Variants in ERCC4 observed in about 807,000 individuals in gnomAD.
The protein encoded by ERCC4 is ERCC excision repair 4, endonuclease catalytic subunit, also known as DNA repair endonuclease XPF.
A neutral mutation model predicts 76.9 loss-of-function variants in ERCC4; 65 were observed. The ratio of observed to expected loss-of-function variants is 0.84; its 90% CI spans 0.69 to 1.04. The LOEUF (loss-of-function observed/expected upper bound fraction) is 1.04. ERCC4 is among the 50% of genes least tolerant of loss of function. The probability of loss-of-function intolerance (pLI) is 0.00; values close to 1 mark genes in which losing one functional copy is unlikely to be tolerated. For synonymous variants in ERCC4, 463 were observed against 410.1 expected (o/e 1.13, Z -1.56); for missense variants, 1,214 against 1,128.2 (o/e 1.08, Z -1.09).
At chr16:13,940,217 C>T (rs1596631033) in intron 9 of ERCC4, among the ~76,000 whole-genome samples, 1 of 151,732 alleles carries the variant, frequency 6.6e-6, no homozygotes, top group Non-Finnish European at 1.5e-5. Flanking sequence ...TGAAACCCTG[C>T]CTCTACTAAA....
chr16:13,926,172 G>A (rs1397087942), intron 2 of ERCC4, among the ~76,000 whole-genome samples: 1 of 151,706 alleles, frequency 6.6e-6, no homozygotes, highest in Admixed American at 6.6e-5. Flanking sequence ...CCTCTGACAT[G>A]CCAGAAACAC....
rs749634352 is a variant in ERCC4 at position 13,937,856 on chromosome 16, A to G, written c.1902A>G (p.Ile634Met). Residue 634 changes from isoleucine (I) to methionine (M), a missense_variant and splice_region_variant, in exon 9 of 11, where the codon ATA (isoleucine) becomes ATG (methionine). Ile to Met is a conservative substitution (Grantham distance 10). Transcript: ENST00000311895. The stretch of plus-strand genomic sequence containing the variant: ...AAAAGGAAGCTTTTGAAAAACTCAT[A>G]AGGTAATACATAGAAAATCAGTATG... Reference protein sequence around the residue: ...RKEKEAFEKLIREKASMVVPE... With the variant: ...RKEKEAFEKLMREKASMVVPE... The G allele has an allele frequency of 5.0e-6, 8 of 1,595,176 alleles. No individual in the cohort carries two copies. The South Asian group carries it at 8.8e-5, about 18-fold the overall frequency.
chr16:13,922,609 G>C, intron 2 of ERCC4: 1 of 622,956 alleles, frequency 1.6e-6, no homozygotes, highest in Non-Finnish European at 2.9e-6. Flanking sequence ...GGCACAGTTC[G>C]TGCAGCAAAT....
At chr16:13,938,739 C>A (rs369529148) in intron 9 of ERCC4, among the ~76,000 whole-genome samples, 26 of 152,308 alleles carry the variant, frequency 1.7e-4, no homozygotes, top group African/African-American at 5.1e-4. Context: ...TAGCAGTAGT[C>A]AACCTGCGAG....
chr16:13,935,180 A>G lies in ERCC4; in HGVS notation c.1248A>G (p.Thr416=). 6 of 1,614,110 alleles carry G rather than the reference A, an allele frequency of 3.7e-6. No individual in the cohort carries two copies. Among genetic ancestry groups the G allele is most frequent in the Non-Finnish European group, 5.1e-6 (6 of 1,179,978 alleles). Residue 416 remains threonine, a synonymous_variant, in exon 8 of 11, where the codon ACA becomes ACG. Coordinates refer to ENST00000311895, the MANE Select transcript of ERCC4 (RefSeq NM_005236.3). The part of the protein sequence containing the change: ...QVLICASDDR[T]CSQLRDYITL... Reference sequence around the variant, plus strand: ...TGATTTGTGCAAGTGATGACCGAACATGTTCCCAGCTGAGAGACTATATCA... The same window carrying G: ...TGATTTGTGCAAGTGATGACCGAACGTGTTCCCAGCTGAGAGACTATATCA...
At chr16:13,939,625 G>A (rs943423074) in intron 9 of ERCC4, among the ~76,000 whole-genome samples, 2 of 152,070 alleles carry the variant, frequency 1.3e-5, no homozygotes, top group East Asian at 1.9e-4. Flanking sequence ...AGGGCTTCAC[G>A]GGCAGTAAGA....
intron 8 of ERCC4, among the ~76,000 whole-genome samples, chr16:13,936,925 T>C (rs539831073): frequency 3.6e-4 from 54 of 149,620 alleles, no homozygotes; most frequent in African/African-American, 1.3e-3. Context: ...TTTTTTTTTT[T>C]CTTTGAGGCA....
intron 1 of ERCC4, among the ~76,000 whole-genome samples, chr16:13,920,899 G>T (rs1269201092): frequency 6.6e-6 from 1 of 152,150 alleles, no homozygotes; most frequent in Non-Finnish European, 1.5e-5. Flanking sequence ...GGATGGGAGG[G>T]GTCCCCAGAA....
intron 10 of ERCC4, among the ~76,000 whole-genome samples, 182 bp downstream of exon 10, chr16:13,945,017 CCCCAGA>C (rs2032489021): frequency 6.6e-6 from 1 of 152,216 alleles, no homozygotes; most frequent in Admixed American, 6.5e-5. Context: ...CATGTGTCCT[CCCCAGA>C]GTGAAGGCAC....
rs1228104401 is a variant in ERCC4 at position 13,950,074 on chromosome 16, C to A, written c.*1727C>A. On this transcript the variant is annotated 3_prime_UTR_variant, in exon 11 of 11. Coordinates refer to ENST00000311895, the MANE Select transcript of ERCC4 (RefSeq NM_005236.3). ...CTGCTGGGTTCAAGCAGTTCTCCCA[C>A]CTCAGCCTCCCAAGTAGCTGGGATT... The A allele has an allele frequency of 3.1e-5, 6 of 192,654 alleles. No individual in the cohort carries two copies. Among genetic ancestry groups the A allele is most frequent in the African/African-American group, 1.4e-4 (6 of 43,030 alleles). 11.9% of individuals were successfully genotyped at this position (192,654 alleles called of 1,614,324 possible). A position where few individuals can be genotyped will look rare whatever the true frequency, so the allele number is the denominator to read the frequency against.
chr16:13,927,763 G>A, intron 3 of ERCC4: 1 of 452,048 alleles, frequency 2.2e-6, no homozygotes, highest in South Asian at 2.1e-5. Context: ...TGGTGTGACT[G>A]CATTCCAGTG....
At position 13,950,989 on chromosome 16, in the gene ERCC4, C is replaced by G. The variant is rs905412189; in HGVS notation, c.*2642C>G. 5.2e-6 allele frequency: 1 copy of G among 191,016 alleles called. No homozygotes were observed. Among genetic ancestry groups the G allele is most frequent in the Non-Finnish European group, 1.1e-5 (1 of 91,232 alleles). The allele number at this position is 191,016 out of a possible 1,614,324, so 11.8% of individuals were successfully genotyped here. A position where few individuals can be genotyped will look rare whatever the true frequency, so the allele number is the denominator to read the frequency against. ...ACGCTTGAAGACAGGTGCACTGTCT[C>G]GTATGTATTTGAATTATGAACAGTA... On this transcript the variant is annotated 3_prime_UTR_variant, in exon 11 of 11. Transcript: ENST00000311895.
Position 13,926,541 on chromosome 16 carries a change from A to G in ERCC4, c.389-20A>G. 6.2e-7 allele frequency: 1 copy of G among 1,607,420 alleles called. No individual in the cohort carries two copies. The highest frequency in any genetic ancestry group is 8.5e-7 in the Non-Finnish European group (1 of 1,173,928). ...ATTACCTACCTGTTCTGTAGTTTAA[A>G]TTATGTTTCTCCCCCTCAGGCATCT... On this transcript the variant is annotated intron_variant, in intron 2 of 10. Coordinates refer to ENST00000311895, the MANE Select transcript of ERCC4 (RefSeq NM_005236.3).
rs1177597738 is a variant in ERCC4, at chr16:13,948,643, A to G, written c.*296A>G. ...GTTCCTACAAGTGATTACAGAAGGT[A>G]GAAACTTTACCTGATCCTAACAGAT... On this transcript the variant is annotated 3_prime_UTR_variant, in exon 11 of 11. Coordinates refer to ENST00000311895, the MANE Select transcript of ERCC4 (RefSeq NM_005236.3). The G allele has an allele frequency of 9.5e-6, 4 of 420,388 alleles. No homozygotes were observed. Among genetic ancestry groups the G allele is most frequent in the Non-Finnish European group, 1.7e-5 (4 of 229,678 alleles). The allele number at this position is 420,388 out of a possible 1,614,324, so 26.0% of individuals were successfully genotyped here.
chr16:13,928,597 CTT>C (rs1360522013), intron 4 of ERCC4, among the ~76,000 whole-genome samples: 1 of 152,084 alleles, frequency 6.6e-6, no homozygotes, highest in African/African-American at 2.4e-5. Flanking sequence ...TTTATGATCT[CTT>C]TTATGGAATA....
chr16:13,936,952 C>A (rs894247250), intron 8 of ERCC4, among the ~76,000 whole-genome samples: 2 of 149,808 alleles, frequency 1.3e-5, no homozygotes, highest in Non-Finnish European at 3.0e-5. Context: ...TGCCCAGATG[C>A]CCAGACTGGA....
At position 13,935,154 on chromosome 16, in the gene ERCC4, C is replaced by T. The variant is rs2141606744; in HGVS notation, c.1222C>T (p.Leu408=). The T allele has an allele frequency of 1.2e-6, 2 of 1,612,350 alleles. No individual in the cohort carries two copies. Among genetic ancestry groups the T allele is most frequent in the Non-Finnish European group, 1.7e-6 (2 of 1,178,402 alleles). ...TTGTTTTCTATTTTCAGGTCAAGTA[C>T]TGATTTGTGCAAGTGATGACCGAAC... ...SEALGGPGQV[L]ICASDDRTCS... The change falls in exon 8 of 11, where the codon CTG becomes TTG. Residue 408 remains leucine (L), a synonymous_variant. Coordinates refer to ENST00000311895, the MANE Select transcript of ERCC4 (RefSeq NM_005236.3).
In ERCC4 at chr16:13,952,183, A is replaced by G. The variant is rs1022874011; in HGVS notation, c.*3836A>G. 1 of 187,098 alleles carries G rather than the reference A, an allele frequency of 5.3e-6. No homozygotes were observed. The highest frequency in any genetic ancestry group is 1.1e-5 in the Non-Finnish European group (1 of 88,760). 11.6% of individuals were successfully genotyped at this position (187,098 alleles called of 1,614,324 possible). ...TTTGTGTGTGTTTAATAAAATATAT[A>G]TTTATTCAGTACTTTCCTCAGTATT... is the stretch of plus-strand genomic sequence containing the variant. On this transcript the variant is annotated 3_prime_UTR_variant, in exon 11 of 11. Coordinates refer to ENST00000311895, the MANE Select transcript of ERCC4 (RefSeq NM_005236.3).
At position 13,920,255 on chromosome 16, in the gene ERCC4, CG is replaced by C; in HGVS notation, c.93del (p.Leu32Ter). ...QLVLELLDTDGLVVCARGLGA... is the reference protein window; with the variant it reads ...QLVLELLDTDXLVVCARGLGA... Reference sequence around the variant, plus strand: ...TGGTGCTGGAACTGCTCGACACTGACGGGCTAGTAGTGTGCGCCCGCGGGCT... The same window carrying C: ...TGGTGCTGGAACTGCTCGACACTGACGGCTAGTAGTGTGCGCCCGCGGGCT... On this transcript the variant is annotated frameshift_variant, in exon 1 of 11. Coordinates refer to ENST00000311895, the MANE Select transcript of ERCC4 (RefSeq NM_005236.3). LOFTEE classifies it high-confidence loss of function. 1 of 1,607,480 alleles carries C rather than the reference CG, an allele frequency of 6.2e-7. No homozygotes were observed. The highest frequency in any genetic ancestry group is 1.3e-5 in the African/African-American group (1 of 75,054).
Sources: gnomAD v4.1 joint callset for allele counts (sites outside exome capture counted in the v4.1 genomes callset) on GRCh38, gnomAD v4.1.1 for gene constraint, MANE v1.5 for transcripts, NCBI Gene and HGNC (gene_info 2026-07-23, HGNC 2026-07-21) for gene names.